CNTN6: variants seen among roughly 807,000 people sequenced by gnomAD.
CNTN6 encodes the protein contactin 6.
In CNTN6, 137 loss-of-function variants were observed where a neutral mutation model predicts 122.8. That is an observed-to-expected ratio of 1.12 (90% CI 0.97 to 1.29). The LOEUF is 1.29. Ranked by LOEUF, CNTN6 falls within the 50% of genes most tolerant of loss-of-function variation. CNTN6 has a pLI of 0.00. For missense variants in CNTN6, 1,634 were observed against 1,223.4 expected (o/e 1.34, Z -5.01); for synonymous variants, 570 against 426.0 (o/e 1.34, Z -4.16).
At chr3:1,145,580 T>TTTTTGA (rs531144221) in intron 1 of CNTN6, among the ~76,000 whole-genome samples, 318 of 152,306 alleles carry the variant, frequency 2.1e-3, no homozygotes, top group Admixed American at 3.7e-3. Flanking sequence ...AAGAGTCTAT[T>TTTTTGA]GATAATTCTG....
intron 12 of CNTN6, among the ~76,000 whole-genome samples, chr3:1,354,761 G>A (rs17038133): frequency 8.6e-5 from 13 of 151,182 alleles, no homozygotes; most frequent in African/African-American, 2.7e-4. Flanking sequence ...CTCTAAAATC[G>A]GACAGTTTTC....
At chr3:1,357,751 C>T (rs1284386911) in intron 12 of CNTN6, among the ~76,000 whole-genome samples, 4 of 151,810 alleles carry the variant, frequency 2.6e-5, no homozygotes, top group Non-Finnish European at 5.9e-5. Context: ...AGCCTTCATT[C>T]ATTAGAGTGC....
intron 16 of CNTN6, among the ~76,000 whole-genome samples, chr3:1,374,434 C>G (rs1046383000): frequency 6.6e-6 from 1 of 152,080 alleles, no homozygotes; most frequent in Non-Finnish European, 1.5e-5. Flanking sequence ...TTAACTGAGA[C>G]TCTGTTGGTG....
chr3:1,345,802 TA>T (rs1367312062), intron 11 of CNTN6, among the ~76,000 whole-genome samples: 4 of 152,136 alleles, frequency 2.6e-5, no homozygotes, highest in Non-Finnish European at 4.4e-5. Context: ...CTCATTTTAA[TA>T]AAATCAATTT....
intron 1 of CNTN6, among the ~76,000 whole-genome samples, chr3:1,099,433 A>G (rs1311927003): frequency 2.0e-5 from 3 of 152,200 alleles, no homozygotes; most frequent in Non-Finnish European, 4.4e-5. Flanking sequence ...CCTGGGTGAC[A>G]GAGCCAGACT....
chr3:1,306,014 A>G (rs1355053968), intron 7 of CNTN6, among the ~76,000 whole-genome samples: 1 of 152,218 alleles, frequency 6.6e-6, no homozygotes. Flanking sequence ...GTCACTTAAG[A>G]TGAAAATAAC....
rs1209044533 is a variant in CNTN6, at chr3:1,403,639, T to A, written c.*221T>A. On this transcript the variant is annotated 3_prime_UTR_variant, in exon 23 of 23. Transcript: ENST00000446702. ...GCACATGATTACATGAATTCCTAGG[T>A]GCCACATTAACCTGGGGAGTTGTAA... The A allele has an allele frequency of 9.0e-6, 3 of 332,210 alleles. No homozygotes were observed. The highest frequency in any genetic ancestry group is 6.4e-5 in the African/African-American group (3 of 46,614). 20.6% of individuals were successfully genotyped at this position (332,210 alleles called of 1,614,324 possible). A position where few individuals can be genotyped will look rare whatever the true frequency, so the allele number is the denominator to read the frequency against.
chr3:1,315,692 A>G (rs554971196), intron 7 of CNTN6, among the ~76,000 whole-genome samples: 2 of 152,022 alleles, frequency 1.3e-5, no homozygotes, highest in African/African-American at 4.8e-5. Flanking sequence ...TCCCTACTGA[A>G]ATGGTACTAG....
intron 1 of CNTN6, among the ~76,000 whole-genome samples, chr3:1,108,359 T>C (rs1416220307): frequency 2.0e-5 from 3 of 152,096 alleles, no homozygotes; most frequent in Non-Finnish European, 4.4e-5. Context: ...GTATTTTATA[T>C]AAGCTTTATA....
At chr3:1,326,053 C>G (rs1559830419) in intron 9 of CNTN6, 102 bp downstream of exon 9, 10 of 997,150 alleles carry the variant, frequency 1.0e-5, no homozygotes, top group Non-Finnish European at 1.5e-5. Flanking sequence ...TTAATGGAGT[C>G]TTTGGTATGT....
At chr3:1,178,996 G>A (rs79999087) in intron 2 of CNTN6, among the ~76,000 whole-genome samples, 1,976 of 152,224 alleles carry the variant, frequency 0.013, 50 homozygotes, top group African/African-American at 0.045. Context: ...ATTTTGGCTC[G>A]TGGTTCTGCA....
At chr3:1,142,993 TATATATATATG>T (rs2092647809) in intron 1 of CNTN6, among the ~76,000 whole-genome samples, 1 of 144,542 alleles carries the variant, frequency 6.9e-6, no homozygotes, top group Non-Finnish European at 1.5e-5. Context: ...TATATATATA[TATATATATATG>T]TATATGCCCA....
Position 1,357,917 on chromosome 3 carries a change from G to A in CNTN6, c.1492+5466G>A, listed in dbSNP as rs149867910. ...TATAATAAAATACATAAATTTTAAT[G>A]TATATTCACTAAATTTTGAAAATGG... On this transcript the variant is annotated intron_variant, in intron 12 of 22. Transcript: ENST00000446702. Among the ~76,000 whole-genome samples, 781 of 149,830 alleles carry A rather than the reference G, an allele frequency of 5.2e-3. 7 individuals are homozygous for A. The highest frequency in any genetic ancestry group is 7.5e-3 in the Non-Finnish European group (509 of 67,468).
At chr3:1,330,036 A>G (rs765041528) in intron 11 of CNTN6, 101 bp downstream of exon 11, 12 of 874,114 alleles carry the variant, frequency 1.4e-5, no homozygotes, top group Non-Finnish European at 1.8e-5. Flanking sequence ...CTTTTATGAT[A>G]AAGTCTCATT....
At chr3:1,278,110 A>G (rs986988703) in intron 4 of CNTN6, among the ~76,000 whole-genome samples, 3 of 152,214 alleles carry the variant, frequency 2.0e-5, no homozygotes, top group Non-Finnish European at 2.9e-5. Flanking sequence ...TTGGACAGAC[A>G]AAGTAAATAT....
At chr3:1,097,467 T>C (rs2090592395) in intron 1 of CNTN6, among the ~76,000 whole-genome samples, 1 of 152,184 alleles carries the variant, frequency 6.6e-6, no homozygotes, top group African/African-American at 2.4e-5. Context: ...TATGAAGTAT[T>C]ATAAAAAACG....
At chr3:1,393,827 ATATATAATACC>A (rs992259719) in intron 20 of CNTN6, among the ~76,000 whole-genome samples, 7 of 152,194 alleles carry the variant, frequency 4.6e-5, no homozygotes, top group African/African-American at 1.7e-4. Context: ...TCCATATGAC[ATATATAATACC>A]TATACATGTT....
intron 5 of CNTN6, among the ~76,000 whole-genome samples, chr3:1,280,344 G>A (rs547158147): frequency 3.3e-5 from 5 of 151,854 alleles, no homozygotes; most frequent in Non-Finnish European, 4.4e-5. Context: ...AACAGCGCCC[G>A]TGGGGTCGAT....
chr3:1,244,400 GCGGGAC>G (rs2094529964), intron 4 of CNTN6, among the ~76,000 whole-genome samples: 5 of 145,374 alleles, frequency 3.4e-5, no homozygotes, highest in Admixed American at 1.4e-4. Context: ...CCCCAGGAAA[GCGGGAC>G]TTGCCGCTGA....
Sources: gnomAD v4.1 joint callset for allele counts (sites outside exome capture counted in the v4.1 genomes callset) on GRCh38, gnomAD v4.1.1 for gene constraint, MANE v1.5 for transcripts, NCBI Gene and HGNC (gene_info 2026-07-23, HGNC 2026-07-21) for gene names.